KCNJ6: variants seen among roughly 807,000 people sequenced by gnomAD.
KCNJ6 encodes G protein-activated inward rectifier potassium channel 2.
In KCNJ6, 9 loss-of-function variants were observed where a neutral mutation model predicts 34.2. That is an observed-to-expected ratio of 0.26 (90% CI 0.16 to 0.46). The LOEUF (loss-of-function observed/expected upper bound fraction) is 0.46, where lower values mean the gene tolerates loss of function less well. Among genes scored for constraint, KCNJ6 ranks in the 20% least tolerant of loss-of-function variants. KCNJ6 has a pLI of 1.00. For missense variants in KCNJ6, 236 were observed against 531.3 expected (o/e 0.44, Z 5.46); for synonymous variants, 196 against 207.1 (o/e 0.95, Z 0.46).
In KCNJ6 at chr21:37,843,520, C is replaced by T. The variant is rs147643656; in HGVS notation, c.-27-2811G>A. Among the ~76,000 whole-genome samples the T allele has an allele frequency of 4.5e-3, 680 of 152,322 alleles. 2 individuals carry two copies. The highest frequency in any genetic ancestry group is 0.016 in the African/African-American group (645 of 41,564). On this transcript the variant is annotated intron_variant, in intron 1 of 3. Coordinates refer to ENST00000609713, the MANE Select transcript of KCNJ6 (RefSeq NM_002240.5). ...CAGAAAGTTGATGTTTGCAGTTACACGACATGTATATCCAATAAAGCATTT... is the reference window on the plus strand; with the variant it reads ...CAGAAAGTTGATGTTTGCAGTTACATGACATGTATATCCAATAAAGCATTT...
intron 1 of KCNJ6, among the ~76,000 whole-genome samples, chr21:37,857,960 C>A (rs1439887982): frequency 6.6e-6 from 1 of 151,464 alleles, no homozygotes; most frequent in Non-Finnish European, 1.5e-5. Flanking sequence ...GAAGATAGAG[C>A]AAAATAAAAA....
chr21:37,878,342 A>C (rs1350506556), intron 1 of KCNJ6, among the ~76,000 whole-genome samples: 2 of 152,190 alleles, frequency 1.3e-5, no homozygotes, highest in Non-Finnish European at 2.9e-5. Flanking sequence ...CCTCATATTC[A>C]ACCTCTTTCC....
intron 2 of KCNJ6, among the ~76,000 whole-genome samples, chr21:37,797,093 AC>A (rs2055247107): frequency 6.7e-6 from 1 of 150,318 alleles, no homozygotes; most frequent in African/African-American, 2.5e-5. Flanking sequence ...ATGGAGTCTT[AC>A]TTTGTTGCCC....
At chr21:37,712,263 A>C (rs1440636045) in intron 3 of KCNJ6, among the ~76,000 whole-genome samples, 1 of 151,754 alleles carries the variant, frequency 6.6e-6, no homozygotes, top group East Asian at 1.9e-4. Context: ...CTCTTGGGGG[A>C]ATTTATGGTG....
rs1375539598 is a variant in KCNJ6 at position 37,616,196 on chromosome 21, C to T, written c.*8963G>A. ...TGGCAGCCAAGCACATCCTCGGTAACCAGGCACCCACAAGTGCTGGGAGTT... is the reference window on the plus strand; with the variant it reads ...TGGCAGCCAAGCACATCCTCGGTAATCAGGCACCCACAAGTGCTGGGAGTT... On this transcript the variant is annotated 3_prime_UTR_variant, in exon 4 of 4. Coordinates refer to ENST00000609713, the MANE Select transcript of KCNJ6 (RefSeq NM_002240.5). 1 of 152,250 alleles carries T rather than the reference C, an allele frequency of 6.6e-6. No individual in the cohort carries two copies. The highest frequency in any genetic ancestry group is 1.5e-5 in the Non-Finnish European group (1 of 68,092). The allele number at this position is 152,250 out of a possible 1,614,324, so 9.4% of individuals were successfully genotyped here. A position where few individuals can be genotyped will look rare whatever the true frequency, so the allele number is the denominator to read the frequency against.
At chr21:37,851,478 A>C (rs1002348817) in intron 1 of KCNJ6, among the ~76,000 whole-genome samples, 8 of 152,212 alleles carry the variant, frequency 5.3e-5, no homozygotes, top group African/African-American at 1.9e-4. Flanking sequence ...AGACTGAGGA[A>C]AATTTACAGA....
At chr21:37,692,316 A>G in intron 3 of KCNJ6, among the ~76,000 whole-genome samples, 1 of 152,202 alleles carries the variant, frequency 6.6e-6, no homozygotes, top group East Asian at 1.9e-4. Context: ...TGAGAAAAAA[A>G]GGCAATGCAT....
At chr21:37,870,672 C>G (rs975918186) in intron 1 of KCNJ6, among the ~76,000 whole-genome samples, 1 of 151,420 alleles carries the variant, frequency 6.6e-6, no homozygotes, top group South Asian at 2.1e-4. Flanking sequence ...AATTTGTACA[C>G]AGTACAATGT....
chr21:37,727,591 G>A (rs1487322317), intron 2 of KCNJ6, among the ~76,000 whole-genome samples: 2 of 152,118 alleles, frequency 1.3e-5, no homozygotes, highest in African/African-American at 4.8e-5. Context: ...GATGTTATAA[G>A]GAAGAGGGAG....
intron 1 of KCNJ6, among the ~76,000 whole-genome samples, chr21:37,863,163 TAATA>T (rs529735141): frequency 4.6e-4 from 70 of 152,370 alleles, no homozygotes; most frequent in Middle Eastern, 3.4e-3. Context: ...TTTGATTCAT[TAATA>T]TTTTAGGCAC....
chr21:37,624,159 C>T lies in KCNJ6; in HGVS notation c.*1000G>A, dbSNP rs993854642. 6.6e-6 allele frequency: 1 copy of T among 152,190 alleles called. No homozygotes were observed. The highest frequency in any genetic ancestry group is 2.1e-4 in the South Asian group (1 of 4,832). The allele number at this position is 152,190 out of a possible 1,614,324, so 9.4% of individuals were successfully genotyped here. ...ATATTTCCTTCCTGGTATTCCCCCT[C>T]CTCCAGGCCAGTTAGTGAGGCCCTT... On this transcript the variant is annotated 3_prime_UTR_variant, in exon 4 of 4. Transcript: ENST00000609713.
intron 1 of KCNJ6, among the ~76,000 whole-genome samples, chr21:37,845,876 A>G (rs1219573853): frequency 6.6e-6 from 1 of 152,184 alleles, no homozygotes; most frequent in Non-Finnish European, 1.5e-5. Flanking sequence ...ACCTAGGCAC[A>G]CTGCTTGGAA....
At chr21:37,682,990 C>A (rs1184267010) in intron 3 of KCNJ6, among the ~76,000 whole-genome samples, 1 of 152,186 alleles carries the variant, frequency 6.6e-6, no homozygotes, top group Non-Finnish European at 1.5e-5. Flanking sequence ...GCGCTTCGGC[C>A]AAATCAGAGC....
At chr21:37,666,858 C>G (rs2054515887) in intron 3 of KCNJ6, among the ~76,000 whole-genome samples, 1 of 151,536 alleles carries the variant, frequency 6.6e-6, no homozygotes, top group Non-Finnish European at 1.5e-5. Flanking sequence ...TACCCCCAAC[C>G]CCGTGCTCTC....
At chr21:37,867,203 T>C (rs2055626962) in intron 1 of KCNJ6, among the ~76,000 whole-genome samples, 1 of 152,236 alleles carries the variant, frequency 6.6e-6, no homozygotes, top group Admixed American at 6.5e-5. Context: ...GTTAGTTTTA[T>C]ATTTGCCTGA....
At chr21:37,801,354 G>A (rs527992012) in intron 2 of KCNJ6, among the ~76,000 whole-genome samples, 1 of 152,152 alleles carries the variant, frequency 6.6e-6, no homozygotes, top group Non-Finnish European at 1.5e-5. Flanking sequence ...TCTCCAAGAT[G>A]CCATCTGGAG....
chr21:37,803,102 G>A (rs558863752), intron 2 of KCNJ6, among the ~76,000 whole-genome samples: 4 of 152,148 alleles, frequency 2.6e-5, no homozygotes, highest in Admixed American at 6.5e-5. Flanking sequence ...AACGCACAGC[G>A]AACTGGTTAA....
chr21:37,876,495 A>G (rs1207148317), intron 1 of KCNJ6, among the ~76,000 whole-genome samples: 3 of 152,172 alleles, frequency 2.0e-5, no homozygotes, highest in African/African-American at 4.8e-5. Flanking sequence ...TTATCCCAGG[A>G]CATTTGAAAA....
intron 3 of KCNJ6, among the ~76,000 whole-genome samples, chr21:37,701,251 G>T (rs2054689362): frequency 6.6e-6 from 1 of 152,144 alleles, no homozygotes; most frequent in Admixed American, 6.5e-5. Flanking sequence ...CAGAGCCCTG[G>T]GGAACCACCG....
Sources: allele counts gnomAD v4.1 joint callset (sites outside exome capture counted in the v4.1 genomes callset), GRCh38; gene constraint gnomAD v4.1.1; transcripts MANE v1.5; gene names NCBI Gene and HGNC (gene_info 2026-07-23, HGNC 2026-07-21).